Variants in PRKAR1B observed in about 807,000 individuals in gnomAD.
PRKAR1B encodes protein kinase cAMP-dependent type I regulatory subunit beta.
PRKAR1B carries 22 observed loss-of-function variants against 46.5 expected under a neutral mutation model. The observed-to-expected ratio is 0.47, with a 90% CI of 0.34 to 0.68. The LOEUF is 0.68. Ranked by LOEUF, PRKAR1B falls within the 30% of genes least tolerant of loss-of-function variation. PRKAR1B has a pLI of 0.01. For missense variants in PRKAR1B, 445 were observed against 535.6 expected, an observed-to-expected ratio of 0.83 and a Z score of 1.67; for synonymous variants, 259 against 217.7, an observed-to-expected ratio of 1.19 and a Z score of -1.67.
intron 9 of PRKAR1B, among the ~76,000 whole-genome samples, chr7:570,559 C>A (rs1779442320): frequency 6.6e-6 from 1 of 152,154 alleles, no homozygotes; most frequent in African/African-American, 2.4e-5. Flanking sequence ...CTCCCTCATC[C>A]CCCGCCGTCC....
intron 6 of PRKAR1B, among the ~76,000 whole-genome samples, chr7:605,934 G>C (rs1286591096): frequency 6.6e-6 from 1 of 152,212 alleles, no homozygotes; most frequent in Non-Finnish European, 1.5e-5. Context: ...CGCAGCCCGG[G>C]GGCAAGCGGA....
At chr7:624,485 C>G (rs755204788) in intron 4 of PRKAR1B, among the ~76,000 whole-genome samples, 2 of 152,044 alleles carry the variant, frequency 1.3e-5, no homozygotes, top group Non-Finnish European at 2.9e-5. Context: ...TTTCCCCTAG[C>G]ATTTCCTCTA....
At chr7:595,327 T>TC (rs372994205) in intron 7 of PRKAR1B, among the ~76,000 whole-genome samples, 2,941 of 151,778 alleles carry the variant, frequency 0.019, 64 homozygotes, top group African/African-American at 0.055. Flanking sequence ...GGAACAGCAG[T>TC]CCCCCCCGCC....
intron 8 of PRKAR1B, among the ~76,000 whole-genome samples, chr7:581,785 G>A (rs1252665125): frequency 2.6e-5 from 4 of 151,910 alleles, no homozygotes; most frequent in East Asian, 1.9e-4. Flanking sequence ...GCGTGATCAC[G>A]GCTCACCACA....
chr7:635,887 G>C (rs1052927176), intron 4 of PRKAR1B, among the ~76,000 whole-genome samples: 1 of 151,990 alleles, frequency 6.6e-6, no homozygotes, highest in Non-Finnish European at 1.5e-5. Context: ...CTGTGAAACA[G>C]AGCTACGGAC....
intron 6 of PRKAR1B, among the ~76,000 whole-genome samples, chr7:605,573 T>A (rs1246284378): frequency 6.6e-6 from 1 of 152,226 alleles, no homozygotes; most frequent in East Asian, 1.9e-4. Context: ...CACATACACA[T>A]GGCCTGGCCA....
intron 8 of PRKAR1B, among the ~76,000 whole-genome samples, chr7:580,745 A>C (rs925380778): frequency 8.9e-5 from 4 of 44,738 alleles, no homozygotes; most frequent in Non-Finnish European, 2.0e-4. Flanking sequence ...CTTTTTTGAC[A>C]AAAAAAAAAA....
intron 7 of PRKAR1B, among the ~76,000 whole-genome samples, chr7:590,936 C>G (rs1014381577): frequency 6.6e-6 from 1 of 152,102 alleles, no homozygotes; most frequent in Non-Finnish European, 1.5e-5. Context: ...GAGAGCGGGC[C>G]GGATGCCCGG....
Position 705,105 on chromosome 7 carries a change from A to C in PRKAR1B, c.177+6224T>G, listed in dbSNP as rs375228667. Among the ~76,000 whole-genome samples, 44 of 152,210 alleles carry C rather than the reference A, an allele frequency of 2.9e-4. 1 individual carries two copies. The East Asian group carries it at 4.5e-3, about 15-fold the overall frequency. ...TCAGGAGTTCAAGACCAACCTGGCC[A>C]ACATGGTGAAACCCCATCTCTACTA... On this transcript the variant is annotated intron_variant, in intron 2 of 10. Coordinates refer to ENST00000537384, the MANE Select transcript of PRKAR1B (RefSeq NM_001164760.2).
Position 560,793 on chromosome 7 carries a change from G to A in PRKAR1B, c.892-9323C>T, listed in dbSNP as rs149910978. ...CTCCAGGAGTTCCAGCACGTCAAAC[G>A]GGACAGTCATCATGAGGGCGGCGGC... On this transcript the variant is annotated intron_variant, in intron 9 of 10. Coordinates refer to ENST00000537384, the MANE Select transcript of PRKAR1B (RefSeq NM_001164760.2). This position sits in a 1 kb window ranked among gnomAD's most constrained non-coding sequence, Gnocchi z 4.2. 0.011 allele frequency among the ~76,000 whole-genome samples: 1,729 copies of A among 152,300 alleles called. 49 individuals are homozygous for A. Among genetic ancestry groups the A allele is most frequent in the African/African-American group, 0.038 (1,566 of 41,556 alleles).
At chr7:588,278 C>T (rs138409079) in intron 7 of PRKAR1B, among the ~76,000 whole-genome samples, 159 of 152,372 alleles carry the variant, frequency 1.0e-3, no homozygotes, top group African/African-American at 3.7e-3. Flanking sequence ...GTCCACTCAA[C>T]GTGGACAAGT....
intron 4 of PRKAR1B, among the ~76,000 whole-genome samples, chr7:665,879 G>A (rs1422142055): frequency 6.6e-6 from 1 of 152,204 alleles, no homozygotes; most frequent in Non-Finnish European, 1.5e-5. Flanking sequence ...ACGCGGGTGG[G>A]AGGAAGAGAA....
chr7:558,845 C>G (rs574446971), intron 9 of PRKAR1B, among the ~76,000 whole-genome samples: 2 of 152,370 alleles, frequency 1.3e-5, no homozygotes, highest in Non-Finnish European at 1.5e-5. Flanking sequence ...CTTGTCACAG[C>G]CTCCCTTGCC....
At chr7:688,993 G>A (rs1002686105) in intron 2 of PRKAR1B, among the ~76,000 whole-genome samples, 3 of 152,182 alleles carry the variant, frequency 2.0e-5, no homozygotes, top group Non-Finnish European at 2.9e-5. Context: ...ACAATACAAA[G>A]AGATCCCCCC....
At position 593,147 on chromosome 7, in the gene PRKAR1B, C is replaced by T. The variant is rs541458916; in HGVS notation, c.708+2999G>A. Among the ~76,000 whole-genome samples the T allele has an allele frequency of 3.3e-5, 5 of 152,180 alleles. No homozygotes were observed. The highest frequency in any genetic ancestry group is 5.9e-5 in the Non-Finnish European group (4 of 68,032). Reference sequence around the variant, plus strand: ...GAGGTGGGGTCACCCCATCCTTCCTCGGATAAAACGTGAAGCGGTGGAGGA... The same window carrying T: ...GAGGTGGGGTCACCCCATCCTTCCTTGGATAAAACGTGAAGCGGTGGAGGA... On this transcript the variant is annotated intron_variant, in intron 7 of 10. Coordinates refer to ENST00000537384, the MANE Select transcript of PRKAR1B (RefSeq NM_001164760.2). This position sits in a 1 kb window ranked among gnomAD's most constrained non-coding sequence, Gnocchi z 6.1.
At position 596,316 on chromosome 7, in the gene PRKAR1B, A is replaced by G; in HGVS notation, c.550-12T>C. ...CCGTTCACGTACACCTTTGGGGAGC[A>G]AGAGAGAGAAGTGTCACGGGGGCCA... On this transcript the variant is annotated splice_polypyrimidine_tract_variant and intron_variant, in intron 6 of 10. Transcript: ENST00000537384. 1 of 1,598,918 alleles carries G rather than the reference A, an allele frequency of 6.3e-7. No individual in the cohort carries two copies. Among genetic ancestry groups the G allele is most frequent in the Non-Finnish European group, 8.6e-7 (1 of 1,168,430 alleles).
rs1482082230 is a variant in PRKAR1B at position 667,372 on chromosome 7, G to A, written c.440+9857C>T. On this transcript the variant is annotated intron_variant, in intron 4 of 10. Transcript: ENST00000537384. The surrounding 1 kb of genome is among the most constrained non-coding windows in gnomAD (Gnocchi z 4.3). ...TCAGAGAATGTTATTACTTATAAAT[G>A]ACATCCACAACTCTCTCCTTCCAAA... Among the ~76,000 whole-genome samples the A allele has an allele frequency of 6.6e-6, 1 of 152,154 alleles. No individual in the cohort carries two copies. The highest frequency in any genetic ancestry group is 1.9e-4 in the East Asian group (1 of 5,196).
intron 9 of PRKAR1B, among the ~76,000 whole-genome samples, chr7:573,276 G>A (rs897218130): frequency 4.6e-5 from 7 of 152,144 alleles, no homozygotes; most frequent in African/African-American, 1.2e-4. Context: ...GTTGAGTTTC[G>A]TCCCGGAGGA....
intron 9 of PRKAR1B, among the ~76,000 whole-genome samples, chr7:552,675 C>T (rs898254900): frequency 2.0e-5 from 3 of 152,226 alleles, no homozygotes; most frequent in African/African-American, 4.8e-5. Context: ...ATGGAACTCA[C>T]TGGCCCCCCG....
Sources: gnomAD v4.1 joint callset for allele counts (sites outside exome capture counted in the v4.1 genomes callset) on GRCh38, gnomAD v4.1.1 for gene constraint, Gnocchi (gnomAD v3.1) non-coding constraint, MANE v1.5 for transcripts, NCBI Gene and HGNC (gene_info 2026-07-23, HGNC 2026-07-21) for gene names.